CSMD1: variants seen among roughly 807,000 people sequenced by gnomAD.
CSMD1 encodes CUB and sushi domain-containing protein 1.
CSMD1 carries 213 observed loss-of-function variants against 417.5 expected under a neutral mutation model. The ratio of observed to expected loss-of-function variants is 0.51; its 90% confidence interval spans 0.46 to 0.57. The LOEUF is 0.57. Among genes scored for constraint, CSMD1 ranks in the 20% least tolerant of loss-of-function variants. CSMD1 has a pLI of 0.00. For synonymous variants in CSMD1, 2,862 were observed against 1,736.8 expected, an observed-to-expected ratio of 1.65 and a Z score of -16.11; for missense variants, 6,923 against 4,529.7, an observed-to-expected ratio of 1.53 and a Z score of -15.17.
At chr8:3,368,795 T>G (rs879431068) in intron 19 of CSMD1, among the ~76,000 whole-genome samples, 1 of 152,238 alleles carries the variant, frequency 6.6e-6, no homozygotes, top group Non-Finnish European at 1.5e-5. Context: ...AAATATCTAT[T>G]CTATGAGCCA....
At position 3,787,599 on chromosome 8, in the gene CSMD1, A is replaced by T. The variant is rs1055465697; in HGVS notation, c.819-33557T>A. Reference sequence around the variant, plus strand: ...TACCTTAATTAAAGATGTAGTTGCTACAACAGTTAATTCTGTATAAGTATT... The same window carrying T: ...TACCTTAATTAAAGATGTAGTTGCTTCAACAGTTAATTCTGTATAAGTATT... On this transcript the variant is annotated intron_variant, in intron 5 of 69. Transcript: ENST00000635120. Among the ~76,000 whole-genome samples, 4 of 152,224 alleles carry T rather than the reference A, an allele frequency of 2.6e-5. No homozygotes were observed. In the East Asian group the frequency reaches 5.8e-4, roughly 22 times the overall value.
chr8:3,962,330 G>T (rs1812386229), intron 5 of CSMD1, among the ~76,000 whole-genome samples: 1 of 151,992 alleles, frequency 6.6e-6, no homozygotes, highest in Non-Finnish European at 1.5e-5. Context: ...GACAGATTAT[G>T]CAGGATTAAG....
At chr8:4,752,685 G>C (rs1280680243) in intron 1 of CSMD1, among the ~76,000 whole-genome samples, 2 of 152,046 alleles carry the variant, frequency 1.3e-5, no homozygotes, top group Non-Finnish European at 2.9e-5. Flanking sequence ...GGTGAAATGG[G>C]ATTGCTCTAC....
At chr8:4,579,004 G>C (rs377045902) in intron 2 of CSMD1, among the ~76,000 whole-genome samples, 41 of 151,794 alleles carry the variant, frequency 2.7e-4, no homozygotes, top group East Asian at 2.1e-3. Flanking sequence ...ATTGAAAATT[G>C]TACATAAATG....
At chr8:3,643,121 A>G (rs960036229) in intron 7 of CSMD1, among the ~76,000 whole-genome samples, 14 of 151,818 alleles carry the variant, frequency 9.2e-5, no homozygotes, top group African/African-American at 3.4e-4. Flanking sequence ...TCAAAAGACA[A>G]TTTAACAGTC....
At chr8:4,298,857 G>A (rs1387727404) in intron 3 of CSMD1, among the ~76,000 whole-genome samples, 1 of 151,734 alleles carries the variant, frequency 6.6e-6, no homozygotes, top group Non-Finnish European at 1.5e-5. Context: ...TGGAAATACT[G>A]GTATAATTCT....
At chr8:4,851,788 C>T (rs1030967545) in intron 1 of CSMD1, among the ~76,000 whole-genome samples, 2 of 152,084 alleles carry the variant, frequency 1.3e-5, no homozygotes, top group African/African-American at 4.8e-5. Flanking sequence ...TTTAAGTCAC[C>T]CTCCCCTTTA....
intron 3 of CSMD1, among the ~76,000 whole-genome samples, chr8:4,230,603 G>A (rs1028984283): frequency 1.3e-5 from 2 of 152,042 alleles, no homozygotes; most frequent in African/African-American, 2.4e-5. Context: ...TGGCTGTTAT[G>A]TATCAAGATG....
intron 54 of CSMD1, among the ~76,000 whole-genome samples, chr8:2,987,485 A>C (rs557780335): frequency 6.6e-6 from 1 of 150,750 alleles, no homozygotes; most frequent in African/African-American, 2.4e-5. Flanking sequence ...AATACATAAA[A>C]TGCAATAAAA....
intron 7 of CSMD1, among the ~76,000 whole-genome samples, chr8:3,657,313 C>T (rs1448842719): frequency 6.6e-6 from 1 of 151,962 alleles, no homozygotes. Context: ...ACAATAGCTA[C>T]AAATAAAATA....
At chr8:3,113,509 G>C (rs4875250) in intron 42 of CSMD1, 116,100 of 152,258 alleles carry the variant, frequency 0.76, 45,911 homozygotes, top group East Asian at 0.95. Context: ...AGAGCTAGCA[G>C]TCGCTGTGTT....
chr8:3,831,260 T>C (rs1802361293), intron 5 of CSMD1, among the ~76,000 whole-genome samples: 1 of 152,190 alleles, frequency 6.6e-6, no homozygotes, highest in Admixed American at 6.6e-5. Flanking sequence ...ATACTGCTCT[T>C]AGTTATTCCT....
rs1585413779 is a variant in CSMD1, at chr8:3,125,791, A to G, written c.6242-7204T>C. ...CAGGAGTTTGAAACCAGCCTGGCCAACATGGTGAAATCCTATCTCTACTAA... is the reference window on the plus strand; with the variant it reads ...CAGGAGTTTGAAACCAGCCTGGCCAGCATGGTGAAATCCTATCTCTACTAA... On this transcript the variant is annotated intron_variant, in intron 41 of 69. Transcript: ENST00000635120. Among the ~76,000 whole-genome samples the G allele has an allele frequency of 2.0e-5, 3 of 152,240 alleles. No homozygotes were observed. The South Asian group carries it at 6.2e-4, about 32-fold the overall frequency.
At chr8:4,752,973 T>C (rs6558908) in intron 1 of CSMD1, among the ~76,000 whole-genome samples, 67,497 of 152,054 alleles carry the variant, frequency 0.44, 15,679 homozygotes, top group East Asian at 0.62. Flanking sequence ...ATCATTACTT[T>C]AAAATACAAT....
intron 5 of CSMD1, among the ~76,000 whole-genome samples, chr8:3,831,025 G>A (rs1802347008): frequency 6.6e-6 from 1 of 152,130 alleles, no homozygotes; most frequent in African/African-American, 2.4e-5. Context: ...GGCTCTGAAG[G>A]CAGCTTAATG....
intron 3 of CSMD1, among the ~76,000 whole-genome samples, chr8:4,377,781 C>G (rs564299872): frequency 6.6e-6 from 1 of 152,136 alleles, no homozygotes; most frequent in Non-Finnish European, 1.5e-5. Flanking sequence ...TTTTTGGCAC[C>G]TTTAAATATC....
chr8:4,439,293 G>A (rs763737665), intron 2 of CSMD1, among the ~76,000 whole-genome samples: 1 of 152,010 alleles, frequency 6.6e-6, no homozygotes, highest in Non-Finnish European at 1.5e-5. Flanking sequence ...ACCTTTCACT[G>A]CTGCCAAAAT....
At chr8:3,121,728 G>A (rs1817218337) in intron 41 of CSMD1, among the ~76,000 whole-genome samples, 1 of 152,136 alleles carries the variant, frequency 6.6e-6, no homozygotes, top group South Asian at 2.1e-4. Context: ...AAGGCCAGGA[G>A]TCGAATGCTG....
At chr8:4,408,611 A>G (rs769673007) in intron 3 of CSMD1, among the ~76,000 whole-genome samples, 1 of 152,184 alleles carries the variant, frequency 6.6e-6, no homozygotes, top group Non-Finnish European at 1.5e-5. Flanking sequence ...GAAATGTCTG[A>G]TAATGGAAAA....
Sources: allele counts gnomAD v4.1 joint callset (sites outside exome capture counted in the v4.1 genomes callset), GRCh38; gene constraint gnomAD v4.1.1; transcripts MANE v1.5; gene names NCBI Gene and HGNC (gene_info 2026-07-23, HGNC 2026-07-21).